PLA2G7: variants seen among roughly 807,000 people sequenced by gnomAD.
PLA2G7 encodes the protein phospholipase A2 group VII.
PLA2G7 carries 63 observed loss-of-function variants against 49.6 expected under a neutral mutation model. The ratio of observed to expected loss-of-function variants is 1.27; its 90% confidence interval spans 1.04 to 1.57. The LOEUF (loss-of-function observed/expected upper bound fraction) is 1.57. Among genes scored for constraint, PLA2G7 ranks in the 40% most tolerant of loss-of-function variants. PLA2G7 has a pLI of 0.00. For synonymous variants in PLA2G7, 193 were observed against 169.9 expected, an observed-to-expected ratio of 1.14 and a Z score of -1.06; for missense variants, 596 against 521.2, an observed-to-expected ratio of 1.14 and a Z score of -1.40.
At chr6:46,715,739 C>T (rs192573525) in intron 4 of PLA2G7, among the ~76,000 whole-genome samples, 30 of 152,144 alleles carry the variant, frequency 2.0e-4, no homozygotes, top group African/African-American at 2.9e-4. Flanking sequence ...AATTAAAAGC[C>T]GATGTTTAAG....
intron 1 of PLA2G7, among the ~76,000 whole-genome samples, chr6:46,725,032 A>G (rs1276726883): frequency 6.6e-6 from 1 of 152,210 alleles, no homozygotes; most frequent in Non-Finnish European, 1.5e-5. Context: ...CAAGACTAGC[A>G]TATATTAACA....
intron 1 of PLA2G7, among the ~76,000 whole-genome samples, chr6:46,726,542 A>C (rs771637631): frequency 2.0e-5 from 3 of 152,328 alleles, no homozygotes; most frequent in Middle Eastern, 3.4e-3. Flanking sequence ...TTAGAACTAG[A>C]GAATCCAACA....
chr6:46,722,774 A>T lies in PLA2G7; in HGVS notation c.109+9T>A. 6.5e-7 allele frequency: 1 copy of T among 1,528,320 alleles called. No homozygotes were observed. Among genetic ancestry groups the T allele is most frequent in the Non-Finnish European group, 9.1e-7 (1 of 1,101,718 alleles). The allele number at this position is 1,528,320 out of a possible 1,614,324, so 94.7% of individuals were successfully genotyped here. On this transcript the variant is annotated intron_variant, in intron 2 of 11. Coordinates refer to ENST00000274793, the MANE Select transcript of PLA2G7 (RefSeq NM_005084.4). ...GTTGCTCAAGACCTTGAACAAATAC[A>T]CCTCTTACCTGATGATTTCATATGG...
chr6:46,705,137 A>G lies in PLA2G7; in HGVS notation c.1189+16T>C, dbSNP rs758718024. On this transcript the variant is annotated intron_variant, in intron 11 of 11. Transcript: ENST00000274793. ...AGATTCATCTGGTTTAGGTCATGAAAAAAATAGTTTCTTACCTAAATGCTT... is the reference window on the plus strand; with the variant it reads ...AGATTCATCTGGTTTAGGTCATGAAGAAAATAGTTTCTTACCTAAATGCTT... 3.1e-6 allele frequency: 5 copies of G among 1,589,638 alleles called. No homozygotes were observed. The highest frequency in any genetic ancestry group is 4.3e-6 in the Non-Finnish European group (5 of 1,159,014).
In PLA2G7 at chr6:46,704,623, G is replaced by T; in HGVS notation, c.1263C>A (p.Asn421Lys). 1 of 1,584,232 alleles carries T rather than the reference G, an allele frequency of 6.3e-7. No individual in the cohort carries two copies. Among genetic ancestry groups the T allele is most frequent in the Non-Finnish European group, 8.7e-7 (1 of 1,152,778 alleles). The change falls in exon 12 of 12, where the codon AAC (asparagine) becomes AAA (lysine). Residue 421 changes from asparagine to lysine, a missense_variant. Physicochemically the swap from Asn to Lys is moderately conservative, Grantham distance 94. Coordinates refer to ENST00000274793, the MANE Select transcript of PLA2G7 (RefSeq NM_005084.4). ...GDDENLIPGT[N>K]INTTNQHIML... is the part of the protein sequence containing the mutation. ...TGATGTGTTGATTGGTTGTGTTAAT[G>T]TTGGTCCCTGGAATAAGATTCTCAT...
At chr6:46,729,111 C>T (rs1297394395) in intron 1 of PLA2G7, among the ~76,000 whole-genome samples, 1 of 152,146 alleles carries the variant, frequency 6.6e-6, no homozygotes, top group Non-Finnish European at 1.5e-5. Flanking sequence ...GTGCAAGCCA[C>T]GGTGACTGGG....
At position 46,712,323 on chromosome 6, in the gene PLA2G7, G is replaced by A. The variant is rs766689379; in HGVS notation, c.485C>T (p.Ala162Val). 1.2e-6 allele frequency: 2 copies of A among 1,611,210 alleles called. No individual in the cohort carries two copies. Residue 162 changes from alanine to valine, a missense_variant, in exon 6 of 12, where the codon GCT becomes GTT. Ala to Val is a moderately conservative substitution (Grantham distance 64). Transcript: ENST00000274793. Reference sequence around the variant, plus strand: ...ATGAGATGCCAGGTCAATGCCAATAGCAGAATAAAGTGTCCTTCAAAACAA... The same window carrying A: ...ATGAGATGCCAGGTCAATGCCAATAACAGAATAAAGTGTCCTTCAAAACAA... ...GLGAFRTLYS[A>V]IGIDLASHGF...
intron 9 of PLA2G7, 62 bp downstream of exon 9, chr6:46,709,265 C>G: frequency 3.1e-6 from 3 of 952,486 alleles, no homozygotes; most frequent in Non-Finnish European, 5.1e-6. Flanking sequence ...AAAATTATAT[C>G]TCACAATATA....
chr6:46,727,669 A>G (rs951243185), intron 1 of PLA2G7, among the ~76,000 whole-genome samples: 4 of 152,236 alleles, frequency 2.6e-5, no homozygotes, highest in Admixed American at 2.6e-4. Flanking sequence ...GGATTATCTG[A>G]CCCAATGTAA....
intron 2 of PLA2G7, among the ~76,000 whole-genome samples, chr6:46,717,798 G>C (rs181944859): frequency 1.3e-4 from 19 of 145,614 alleles, no homozygotes; most frequent in African/African-American, 4.6e-4. Flanking sequence ...TGCAACCTCC[G>C]ACTCCCTGGT....
In PLA2G7 at chr6:46,714,464, A is replaced by C. The variant is rs1765132619; in HGVS notation, c.466T>G (p.Phe156Val). The change falls in exon 5 of 12, where the codon TTC (phenylalanine) becomes GTC (valine). Residue 156 changes from phenylalanine to valine, a missense_variant. Coordinates refer to ENST00000274793, the MANE Select transcript of PLA2G7 (RefSeq NM_005084.4). The part of the protein sequence containing the change: ...LVVFSHGLGA[F>V]RTLYSAIGID... ...GTTCAACCTCTCAAACATTACCTGA[A>C]TGCCCCAAGACCATGAGAAAAAACA... The C allele has an allele frequency of 2.5e-6, 4 of 1,601,460 alleles. No homozygotes were observed. Among genetic ancestry groups the C allele is most frequent in the Non-Finnish European group, 3.4e-6 (4 of 1,168,770 alleles).
intron 2 of PLA2G7, among the ~76,000 whole-genome samples, chr6:46,719,606 C>T (rs1056861541): frequency 3.3e-5 from 5 of 152,118 alleles, no homozygotes; most frequent in African/African-American, 9.7e-5. Flanking sequence ...ATTGGAGGGA[C>T]ATGGTTCTAT....
chr6:46,706,611 T>G lies in PLA2G7; in HGVS notation c.1041-1310A>C, dbSNP rs564328284. ...TAGTGTCTTTGTTTTGGCATGCCCG[T>G]GGGGGCCCAGGAAGCTAGACCACAA... On this transcript the variant is annotated intron_variant, in intron 10 of 11. Coordinates refer to ENST00000274793, the MANE Select transcript of PLA2G7 (RefSeq NM_005084.4). Among the ~76,000 whole-genome samples the G allele has an allele frequency of 2.6e-5, 4 of 152,292 alleles. No individual in the cohort carries two copies. The South Asian group carries it at 8.3e-4, about 32-fold the overall frequency.
intron 5 of PLA2G7, 45 bp downstream of exon 5, chr6:46,714,415 C>T: frequency 8.6e-7 from 1 of 1,159,518 alleles, no homozygotes; most frequent in South Asian, 1.2e-5. Flanking sequence ...AAAAAATTGT[C>T]ATTTATTCCT....
intron 1 of PLA2G7, among the ~76,000 whole-genome samples, chr6:46,728,601 G>T (rs1765638905): frequency 6.6e-6 from 1 of 152,192 alleles, no homozygotes; most frequent in Non-Finnish European, 1.5e-5. Flanking sequence ...CATCCCATGT[G>T]CAAATGTCCA....
At position 46,727,221 on chromosome 6, in the gene PLA2G7, C is replaced by A. The variant is rs77605800; in HGVS notation, c.-34-4296G>T. On this transcript the variant is annotated intron_variant, in intron 1 of 11. Coordinates refer to ENST00000274793, the MANE Select transcript of PLA2G7 (RefSeq NM_005084.4). ...ATACACAACCATAACTGCCACAAAT[C>A]CCGATTTCCCCTATTTGTCACTGTT... 1.8e-3 allele frequency among the ~76,000 whole-genome samples: 273 copies of A among 152,266 alleles called. 1 individual carries two copies. Among genetic ancestry groups the A allele is most frequent in the Non-Finnish European group, 3.0e-3 (205 of 68,030 alleles).
chr6:46,706,303 C>G, intron 10 of PLA2G7, among the ~76,000 whole-genome samples: 1 of 152,118 alleles, frequency 6.6e-6, no homozygotes, highest in East Asian at 1.9e-4. Flanking sequence ...CTCCCTCTCA[C>G]TCTTCCCCAC....
In PLA2G7 at chr6:46,704,610, T is replaced by C. The variant is rs1176246241; in HGVS notation, c.1276A>G (p.Asn426Asp). 6.3e-7 allele frequency: 1 copy of C among 1,591,470 alleles called. No individual in the cohort carries two copies. ...GAGTTCTGTAACATGATGTGTTGATTGGTTGTGTTAATGTTGGTCCCTGGA... is the reference window on the plus strand; with the variant it reads ...GAGTTCTGTAACATGATGTGTTGATCGGTTGTGTTAATGTTGGTCCCTGGA... ...LIPGTNINTT[N>D]QHIMLQNSSG... The change falls in exon 12 of 12, where the codon AAT becomes GAT. Residue 426 changes from asparagine (N) to aspartate (D), a missense_variant. Transcript: ENST00000274793.
intron 11 of PLA2G7, 147 bp from the exon 12 acceptor site, chr6:46,704,843 G>T: frequency 1.6e-6 from 1 of 643,776 alleles, no homozygotes; most frequent in Non-Finnish European, 2.7e-6. Context: ...CTGCCTCATG[G>T]CTGCTTTAGC....
Sources: allele counts gnomAD v4.1 joint callset (sites outside exome capture counted in the v4.1 genomes callset), GRCh38; gene constraint gnomAD v4.1.1; transcripts MANE v1.5; gene names NCBI Gene and HGNC (gene_info 2026-07-23, HGNC 2026-07-21).